NEGR1: variants seen among roughly 807,000 people sequenced by gnomAD.
NEGR1 encodes IgLON family member 4.
A neutral mutation model predicts 40.9 loss-of-function variants in NEGR1; 10 were observed. The ratio of observed to expected loss-of-function variants is 0.24; its 90% CI spans 0.15 to 0.42. NEGR1 has a LOEUF of 0.42. Ranked by LOEUF, NEGR1 falls within the 10% of genes least tolerant of loss-of-function variation. The pLI, the probability that NEGR1 is intolerant of heterozygous loss-of-function variation, is 1.00. For synonymous variants in NEGR1, 185 were observed against 166.8 expected (o/e 1.11, Z -0.84); for missense variants, 352 against 438.9 (o/e 0.80, Z 1.77).
chr1:71,941,788 A>G (rs1234493095), intron 1 of NEGR1, among the ~76,000 whole-genome samples: 2 of 152,128 alleles, frequency 1.3e-5, no homozygotes, highest in African/African-American at 4.8e-5. Context: ...TAAGCATGTT[A>G]TGTATATTTT....
chr1:72,046,008 A>G (rs1224282113), intron 1 of NEGR1, among the ~76,000 whole-genome samples: 1 of 151,808 alleles, frequency 6.6e-6, no homozygotes, highest in African/African-American at 2.4e-5. Flanking sequence ...GAGTAGAAAG[A>G]AAGTAATTAA....
At chr1:72,219,415 G>A (rs1312327551) in intron 1 of NEGR1, among the ~76,000 whole-genome samples, 1 of 151,900 alleles carries the variant, frequency 6.6e-6, no homozygotes, top group Non-Finnish European at 1.5e-5. Flanking sequence ...TAACAATAAT[G>A]TTATATATAA....
At chr1:72,201,629 G>A (rs1301354797) in intron 1 of NEGR1, among the ~76,000 whole-genome samples, 2 of 151,670 alleles carry the variant, frequency 1.3e-5, no homozygotes, top group African/African-American at 2.4e-5. Flanking sequence ...AAAATCACAC[G>A]AATTTTAGGA....
chr1:72,026,770 C>T (rs1408307095), intron 1 of NEGR1, among the ~76,000 whole-genome samples: 1 of 151,866 alleles, frequency 6.6e-6, no homozygotes, highest in East Asian at 1.9e-4. Flanking sequence ...CCCTCTTTTC[C>T]TTTTTTTTCA....
chr1:71,717,050 A>G (rs1248017042), intron 3 of NEGR1, among the ~76,000 whole-genome samples: 1 of 152,216 alleles, frequency 6.6e-6, no homozygotes, highest in East Asian at 1.9e-4. Context: ...CGTTGTTTCC[A>G]GCTAGGTTCT....
intron 1 of NEGR1, among the ~76,000 whole-genome samples, chr1:72,062,611 A>G (rs1018687484): frequency 2.0e-4 from 31 of 152,066 alleles, no homozygotes; most frequent in African/African-American, 7.2e-4. Flanking sequence ...CAAAATGATG[A>G]ATTCCCAAAA....
intron 6 of NEGR1, among the ~76,000 whole-genome samples, chr1:71,434,875 A>G (rs1293174600): frequency 6.6e-6 from 1 of 152,170 alleles, no homozygotes; most frequent in African/African-American, 2.4e-5. Flanking sequence ...GCGGATCACG[A>G]GGTCAGGAGA....
At chr1:71,829,604 T>C (rs1658767080) in intron 2 of NEGR1, among the ~76,000 whole-genome samples, 1 of 151,850 alleles carries the variant, frequency 6.6e-6, no homozygotes. Flanking sequence ...CGATCAAAGC[T>C]TTCCTCTCTC....
At chr1:72,091,698 A>G (rs946062065) in intron 1 of NEGR1, among the ~76,000 whole-genome samples, 1 of 152,150 alleles carries the variant, frequency 6.6e-6, no homozygotes, top group Non-Finnish European at 1.5e-5. Flanking sequence ...TATCTTATTC[A>G]TAAAGAATAA....
chr1:71,721,730 C>T (rs1654517563), intron 3 of NEGR1, among the ~76,000 whole-genome samples: 1 of 152,016 alleles, frequency 6.6e-6, no homozygotes, highest in African/African-American at 2.4e-5. Flanking sequence ...TGTAGGAGGC[C>T]ACATTGCCCC....
chr1:72,275,668 C>G lies in NEGR1; in HGVS notation c.176+6651G>C, dbSNP rs547097265. Reference sequence around the variant, plus strand: ...ACGACAGTCTTAAATTATCATTTCTCCTGAATAATTACAGAAAAATGTACC... The same window carrying G: ...ACGACAGTCTTAAATTATCATTTCTGCTGAATAATTACAGAAAAATGTACC... On this transcript the variant is annotated intron_variant, in intron 1 of 6. Coordinates refer to ENST00000357731, the MANE Select transcript of NEGR1 (RefSeq NM_173808.3). Among the ~76,000 whole-genome samples the G allele has an allele frequency of 7.2e-5, 11 of 152,192 alleles. No homozygotes were observed. In the South Asian group the frequency reaches 2.3e-3, roughly 32 times the overall value.
At position 71,922,447 on chromosome 1, in the gene NEGR1, G is replaced by A. The variant is rs561538; in HGVS notation, c.409+12632C>T. 1.7e-3 allele frequency among the ~76,000 whole-genome samples: 261 copies of A among 152,244 alleles called. 1 individual carries two copies. The highest frequency in any genetic ancestry group is 5.9e-3 in the African/African-American group (245 of 41,534). On this transcript the variant is annotated intron_variant, in intron 2 of 6. Transcript: ENST00000357731. ...AAAAATGAGTGCATAATATCTTTCCGTTAATTTTAGGTAGAAGTTTTCAAA... is the reference window on the plus strand; with the variant it reads ...AAAAATGAGTGCATAATATCTTTCCATTAATTTTAGGTAGAAGTTTTCAAA...
chr1:72,167,059 C>A (rs2100386512), intron 1 of NEGR1, among the ~76,000 whole-genome samples: 1 of 152,098 alleles, frequency 6.6e-6, no homozygotes, highest in Non-Finnish European at 1.5e-5. Flanking sequence ...CCTGAAGGTA[C>A]AGAGATAAAA....
intron 1 of NEGR1, among the ~76,000 whole-genome samples, chr1:72,074,563 T>C (rs935984800): frequency 2.0e-5 from 3 of 152,058 alleles, no homozygotes; most frequent in African/African-American, 7.2e-5. Flanking sequence ...TCTACGTCAT[T>C]AAAAAAGCGT....
intron 4 of NEGR1, among the ~76,000 whole-genome samples, chr1:71,624,118 C>T (rs1036288886): frequency 1.3e-5 from 2 of 151,906 alleles, no homozygotes; most frequent in East Asian, 1.9e-4. Flanking sequence ...ATTTACTGCT[C>T]TCATCCTGCA....
At chr1:72,256,750 T>G (rs1232290826) in intron 1 of NEGR1, among the ~76,000 whole-genome samples, 2 of 152,240 alleles carry the variant, frequency 1.3e-5, no homozygotes, top group Admixed American at 1.3e-4. Flanking sequence ...ACAGCTTAAC[T>G]ATATAAATTT....
intron 4 of NEGR1, among the ~76,000 whole-genome samples, chr1:71,656,531 G>C (rs528691244): frequency 2.0e-4 from 30 of 152,240 alleles, no homozygotes; most frequent in African/African-American, 5.5e-4. Flanking sequence ...TCCTGCCTCA[G>C]CCTCCCGAGT....
intron 4 of NEGR1, among the ~76,000 whole-genome samples, chr1:71,686,594 A>G (rs1436904070): frequency 6.6e-6 from 1 of 152,178 alleles, no homozygotes; most frequent in African/African-American, 2.4e-5. Context: ...TTCTTGCACT[A>G]GAACTCAGTC....
Position 71,832,358 on chromosome 1 carries a change from G to A in NEGR1, c.410-56061C>T, listed in dbSNP as rs571060825. Among the ~76,000 whole-genome samples, 6 of 152,084 alleles carry A rather than the reference G, an allele frequency of 3.9e-5. No individual in the cohort carries two copies. In the South Asian group the frequency reaches 6.2e-4, roughly 16 times the overall value. On this transcript the variant is annotated intron_variant, in intron 2 of 6. Coordinates refer to ENST00000357731, the MANE Select transcript of NEGR1 (RefSeq NM_173808.3). ...ATCAGAGATACAAAGCTGAAAGGAA[G>A]GTTGTCTCTAGATTTTTCTTGCTCA...
Sources: allele counts gnomAD v4.1 joint callset (sites outside exome capture counted in the v4.1 genomes callset), GRCh38; gene constraint gnomAD v4.1.1; transcripts MANE v1.5; gene names NCBI Gene and HGNC (gene_info 2026-07-23, HGNC 2026-07-21).